The following RGS7BP variants were observed in gnomAD, a reference collection of about 807,000 sequenced individuals.
RGS7BP encodes regulator of G protein signaling 7-binding protein.
A neutral mutation model predicts 31.3 loss-of-function variants in RGS7BP; 9 were observed. The observed-to-expected ratio is 0.29, with a 90% CI of 0.17 to 0.50. RGS7BP has a LOEUF of 0.50. Ranked by LOEUF, RGS7BP falls within the 20% of genes least tolerant of loss-of-function variation. RGS7BP has a pLI of 0.98. For synonymous variants in RGS7BP, 115 were observed against 120.1 expected (o/e 0.96, Z 0.28); for missense variants, 274 against 322.0 (o/e 0.85, Z 1.14).
intron 2 of RGS7BP, among the ~76,000 whole-genome samples, chr5:64,572,078 G>A (rs966432975): frequency 5.9e-5 from 9 of 152,092 alleles, no homozygotes; most frequent in East Asian, 3.8e-4. Context: ...AGAGTGAAAC[G>A]TGTTAGACTA....
At position 64,587,114 on chromosome 5, in the gene RGS7BP, C is replaced by T. The variant is rs543828115; in HGVS notation, c.464-7596C>T. Among the ~76,000 whole-genome samples, 15 of 152,150 alleles carry T rather than the reference C, an allele frequency of 9.9e-5. No homozygotes were observed. The South Asian group carries it at 2.1e-3, about 21-fold the overall frequency. The stretch of plus-strand genomic sequence containing the variant: ...GGAAAACAAGGAAAACCTGAGCGAT[C>T]GTATAGGAGGACTTTTAGGGGCCAG... On this transcript the variant is annotated intron_variant, in intron 3 of 5. Transcript: ENST00000334025.
chr5:64,603,025 A>G (rs183176078), intron 5 of RGS7BP, among the ~76,000 whole-genome samples: 1 of 152,320 alleles, frequency 6.6e-6, no homozygotes, highest in East Asian at 1.9e-4. Context: ...GTAGTTGGGA[A>G]AGTCTCTAGA....
At chr5:64,570,254 C>T (rs1038397449) in intron 2 of RGS7BP, among the ~76,000 whole-genome samples, 3 of 152,050 alleles carry the variant, frequency 2.0e-5, no homozygotes, top group Admixed American at 2.0e-4. Context: ...CAACTTCTTA[C>T]CATCCTTTGC....
At chr5:64,601,357 T>C (rs16892950) in intron 5 of RGS7BP, 16,654 of 579,282 alleles carry the variant, frequency 0.029, 271 homozygotes, top group Middle Eastern at 0.033. Context: ...TCCATGTTTA[T>C]TTCAGCATTT....
chr5:64,540,316 A>G (rs1393815580), intron 2 of RGS7BP, among the ~76,000 whole-genome samples: 1 of 152,192 alleles, frequency 6.6e-6, no homozygotes, highest in Admixed American at 6.5e-5. Flanking sequence ...TGTTGTATGT[A>G]CCACTTATAA....
chr5:64,563,908 C>T (rs1456290477), intron 2 of RGS7BP, among the ~76,000 whole-genome samples: 1 of 152,122 alleles, frequency 6.6e-6, no homozygotes, highest in Non-Finnish European at 1.5e-5. Context: ...TTAGTCTAAA[C>T]ATTTCTGCAC....
chr5:64,548,851 C>CT (rs555751491), intron 2 of RGS7BP, among the ~76,000 whole-genome samples: 3,446 of 137,454 alleles, frequency 0.025, 115 homozygotes, highest in African/African-American at 0.076. Context: ...AAGCCCTTTC[C>CT]TTTTTTTTTT....
chr5:64,591,636 C>G (rs536546061), intron 3 of RGS7BP, among the ~76,000 whole-genome samples: 1 of 152,200 alleles, frequency 6.6e-6, no homozygotes, highest in Non-Finnish European at 1.5e-5. Context: ...CTCAAAGGAT[C>G]TGTTTTACAT....
rs758176246 is a variant in RGS7BP at position 64,506,720 on chromosome 5, T to C, written c.96T>C (p.Asp32=). Residue 32 remains aspartate, a synonymous_variant, in exon 1 of 6, where the codon GAT becomes GAC. Coordinates refer to ENST00000334025, the MANE Select transcript of RGS7BP (RefSeq NM_001029875.3). The surrounding 1 kb of genome is among the most constrained non-coding windows in gnomAD (Gnocchi z 4.6). ...QISKPPLQSG[D]WERRGSGSES... is the part of the protein sequence containing the mutation. ...GCAAGCCCCCGCTGCAGAGCGGAGATTGGGAGCGCAGGGGCAGCGGCTCCG... is the reference window on the plus strand; with the variant it reads ...GCAAGCCCCCGCTGCAGAGCGGAGACTGGGAGCGCAGGGGCAGCGGCTCCG... 1.9e-6 allele frequency: 3 copies of C among 1,609,546 alleles called. No homozygotes were observed. Among genetic ancestry groups the C allele is most frequent in the Non-Finnish European group, 2.5e-6 (3 of 1,176,538 alleles).
At chr5:64,574,167 A>G (rs957416002) in intron 2 of RGS7BP, among the ~76,000 whole-genome samples, 7 of 152,166 alleles carry the variant, frequency 4.6e-5, no homozygotes, top group Non-Finnish European at 1.0e-4. Context: ...TATTACATGA[A>G]CCATTAATGC....
chr5:64,570,249 T>G (rs187351466), intron 2 of RGS7BP, among the ~76,000 whole-genome samples: 48 of 152,214 alleles, frequency 3.2e-4, no homozygotes, highest in Non-Finnish European at 5.6e-4. Context: ...GCAGCCAACT[T>G]CTTACCATCC....
At chr5:64,599,640 C>T (rs147106368) in intron 5 of RGS7BP, among the ~76,000 whole-genome samples, 1 of 152,294 alleles carries the variant, frequency 6.6e-6, no homozygotes, top group East Asian at 1.9e-4. Context: ...GAGCCACAGG[C>T]GTAGTGTTTT....
At chr5:64,540,885 C>T (rs1275946229) in intron 2 of RGS7BP, among the ~76,000 whole-genome samples, 2 of 152,150 alleles carry the variant, frequency 1.3e-5, no homozygotes, top group African/African-American at 4.8e-5. Context: ...GCAAAGATGA[C>T]CTGCTAGAGG....
intron 5 of RGS7BP, among the ~76,000 whole-genome samples, chr5:64,606,126 T>C (rs1334987777): frequency 6.6e-6 from 1 of 151,404 alleles, no homozygotes; most frequent in Non-Finnish European, 1.5e-5. Flanking sequence ...TAGGTTTTTT[T>C]TAATCCACTG....
chr5:64,574,877 A>G (rs772143369), intron 2 of RGS7BP, among the ~76,000 whole-genome samples: 121 of 152,220 alleles, frequency 7.9e-4, no homozygotes, highest in Admixed American at 7.2e-4. Flanking sequence ...CGATGGAAGT[A>G]AAGTTAACTC....
chr5:64,585,756 A>G (rs1742731545), intron 3 of RGS7BP, among the ~76,000 whole-genome samples: 1 of 152,214 alleles, frequency 6.6e-6, no homozygotes, highest in African/African-American at 2.4e-5. Flanking sequence ...TGCCTATTAC[A>G]TTATCCATAA....
intron 3 of RGS7BP, among the ~76,000 whole-genome samples, chr5:64,579,193 T>C (rs192517612): frequency 2.6e-3 from 395 of 152,222 alleles, no homozygotes; most frequent in African/African-American, 8.5e-3. Flanking sequence ...GACTGCTTTA[T>C]TGGTGAGAAA....
intron 5 of RGS7BP, chr5:64,601,328 C>A: frequency 3.0e-6 from 1 of 333,284 alleles, no homozygotes; most frequent in Non-Finnish European, 4.3e-6. Context: ...TCTAACTTGG[C>A]CGTCAACTCC....
At chr5:64,544,784 A>G (rs1189466939) in intron 2 of RGS7BP, among the ~76,000 whole-genome samples, 1 of 152,220 alleles carries the variant, frequency 6.6e-6, no homozygotes, top group Non-Finnish European at 1.5e-5. Flanking sequence ...GATGCAATAA[A>G]TCATGGTATA....
Sources: gnomAD v4.1 joint callset for allele counts (sites outside exome capture counted in the v4.1 genomes callset) on GRCh38, gnomAD v4.1.1 for gene constraint, Gnocchi (gnomAD v3.1) non-coding constraint, MANE v1.5 for transcripts, NCBI Gene and HGNC (gene_info 2026-07-23, HGNC 2026-07-21) for gene names.